The following PCDH15 variants were observed in gnomAD, a reference collection of about 807,000 sequenced individuals.
PCDH15 encodes the protein protocadherin-15.
Under a neutral mutation model 178.5 loss-of-function variants are expected in PCDH15, and 129 were observed. The ratio of observed to expected loss-of-function variants is 0.72; its 90% confidence interval spans 0.63 to 0.84. The LOEUF is 0.84. Ranked by LOEUF, PCDH15 falls within the 40% of genes least tolerant of loss-of-function variation. The pLI is 0.00. For missense variants in PCDH15, 2,230 were observed against 2,099.9 expected, an observed-to-expected ratio of 1.06 and a Z score of -1.21; for synonymous variants, 800 against 732.0, an observed-to-expected ratio of 1.09 and a Z score of -1.50.
intron 1 of PCDH15, among the ~76,000 whole-genome samples, chr10:54,672,935 G>T (rs751399769): frequency 4.6e-5 from 7 of 152,034 alleles, no homozygotes; most frequent in Non-Finnish European, 8.8e-5. Flanking sequence ...TAGAATAAAA[G>T]ATTCATAACA....
chr10:54,739,375 C>A (rs1475209101), intron 1 of PCDH15, among the ~76,000 whole-genome samples: 2 of 151,510 alleles, frequency 1.3e-5, no homozygotes, highest in Non-Finnish European at 2.9e-5. Flanking sequence ...CAAAAAAGTG[C>A]AAGATCTTTA....
At chr10:54,149,742 G>C (rs1470243121) in intron 14 of PCDH15, among the ~76,000 whole-genome samples, 2 of 152,178 alleles carry the variant, frequency 1.3e-5, no homozygotes, top group African/African-American at 4.8e-5. Flanking sequence ...GGATCACCCA[G>C]GCTATTGTGT....
At chr10:55,103,836 G>A (rs1266143435) in intron 2 of PCDH15, among the ~76,000 whole-genome samples, 1 of 152,010 alleles carries the variant, frequency 6.6e-6, no homozygotes, top group Non-Finnish European at 1.5e-5. Context: ...GGGTGGCCAG[G>A]GGTATTGTCC....
At chr10:54,247,881 A>T (rs1351511444) in intron 8 of PCDH15, among the ~76,000 whole-genome samples, 16 of 148,552 alleles carry the variant, frequency 1.1e-4, no homozygotes, top group African/African-American at 3.7e-4. Context: ...AAAAAAAAGA[A>T]ATATGTATAT....
At chr10:55,314,905 A>G (rs114659668) in intron 1 of PCDH15, among the ~76,000 whole-genome samples, 29 of 152,302 alleles carry the variant, frequency 1.9e-4, no homozygotes, top group African/African-American at 6.7e-4. Flanking sequence ...TTGTTTCACA[A>G]TGAATTAAAA....
At chr10:53,821,638 A>C in intron 32 of PCDH15, 1 of 1,306,118 alleles carries the variant, frequency 7.7e-7, no homozygotes, top group Non-Finnish European at 9.8e-7. Context: ...AGAACAAATT[A>C]TGCTACTTTG....
intron 2 of PCDH15, among the ~76,000 whole-genome samples, chr10:54,958,798 A>C (rs184911461): frequency 1.3e-5 from 2 of 151,880 alleles, no homozygotes. Context: ...CAAAATGACC[A>C]GAATACTTAA....
intron 2 of PCDH15, among the ~76,000 whole-genome samples, chr10:55,398,170 C>CAA (rs11423297): frequency 0.25 from 35,977 of 145,572 alleles, 4,909 homozygotes; most frequent in African/African-American, 0.39. Context: ...TCTGTTTTAC[C>CAA]AAAAAAAAAA....
chr10:54,213,962 G>C lies in PCDH15; in HGVS notation c.1072C>G (p.His358Asp). Reference protein sequence around the residue: ...SLLEPVNRDFHQKFDLVIKAE... With the variant: ...SLLEPVNRDFDQKFDLVIKAE... ...TTAATAACCAAATCAAATTTCTGGT[G>C]AAAGTCTCTGTTTACTGGCTCCAGG... is the stretch of plus-strand genomic sequence containing the variant. Residue 358 changes from histidine (H) to aspartate (D), a missense_variant, in exon 10 of 38, where the codon CAC becomes GAC. Physicochemically the swap from His to Asp is moderately conservative, Grantham distance 81 (BLOSUM62 -1). Coordinates refer to ENST00000644397, the MANE Select transcript of PCDH15 (RefSeq NM_001384140.1). The C allele has an allele frequency of 4.4e-6, 7 of 1,604,178 alleles. No homozygotes were observed. The highest frequency in any genetic ancestry group is 6.0e-6 in the Non-Finnish European group (7 of 1,171,308).
chr10:54,633,058 T>C (rs759913207), intron 2 of PCDH15, among the ~76,000 whole-genome samples: 6 of 152,112 alleles, frequency 3.9e-5, no homozygotes, highest in Admixed American at 3.3e-4. Context: ...AGATTAAAGC[T>C]GAAGTCTTGA....
chr10:53,976,999 A>G (rs1381182221), intron 21 of PCDH15, among the ~76,000 whole-genome samples: 1 of 151,288 alleles, frequency 6.6e-6, no homozygotes, highest in Admixed American at 6.6e-5. Flanking sequence ...GTCCCTGTTT[A>G]CTGTTAACCA....
At chr10:55,384,226 G>C (rs947552019) in intron 2 of PCDH15, among the ~76,000 whole-genome samples, 1 of 151,996 alleles carries the variant, frequency 6.6e-6, no homozygotes, top group Non-Finnish European at 1.5e-5. Flanking sequence ...ATTGTTTTGA[G>C]GAGATCTGAA....
At chr10:54,812,602 G>A (rs1952882280) in intron 3 of PCDH15, among the ~76,000 whole-genome samples, 1 of 151,968 alleles carries the variant, frequency 6.6e-6, no homozygotes, top group African/African-American at 2.4e-5. Context: ...GGGACTACAG[G>A]GTCCCACCAC....
At chr10:53,986,310 A>T (rs528459878) in intron 21 of PCDH15, among the ~76,000 whole-genome samples, 51 of 152,352 alleles carry the variant, frequency 3.3e-4, no homozygotes, top group African/African-American at 1.2e-3. Flanking sequence ...TTTTATTTAA[A>T]ACAAATTTTT....
chr10:55,444,063 T>G (rs1230477830), intron 2 of PCDH15, among the ~76,000 whole-genome samples: 1 of 149,930 alleles, frequency 6.7e-6, no homozygotes, highest in African/African-American at 2.5e-5. Context: ...ATGTCCTCAC[T>G]CATAAGTGGG....
chr10:54,398,438 G>A (rs1589214030), intron 3 of PCDH15, among the ~76,000 whole-genome samples: 1 of 151,752 alleles, frequency 6.6e-6, no homozygotes, highest in Non-Finnish European at 1.5e-5. Context: ...TCCATCTCTA[G>A]CAATTTTTTA....
chr10:55,158,060 A>ATGTG (rs769091362), intron 2 of PCDH15, among the ~76,000 whole-genome samples: 40 of 132,462 alleles, frequency 3.0e-4, no homozygotes, highest in South Asian at 7.5e-4. Flanking sequence ...AATCACACAA[A>ATGTG]TATGTGTGTA....
chr10:53,890,952 G>A (rs550704914), intron 26 of PCDH15, among the ~76,000 whole-genome samples: 46 of 152,148 alleles, frequency 3.0e-4, no homozygotes, highest in Middle Eastern at 3.4e-3. Context: ...GGCTTATTTG[G>A]AACTAAACTT....
chr10:54,102,660 T>G (rs189793780), intron 15 of PCDH15, among the ~76,000 whole-genome samples: 1 of 152,330 alleles, frequency 6.6e-6, no homozygotes, highest in African/African-American at 2.4e-5. Flanking sequence ...GAAGAAGCTC[T>G]AATGGCTTCC....
Sources: allele counts gnomAD v4.1 joint callset (sites outside exome capture counted in the v4.1 genomes callset), GRCh38; gene constraint gnomAD v4.1.1; transcripts MANE v1.5; gene names NCBI Gene and HGNC (gene_info 2026-07-23, HGNC 2026-07-21).